The following CDON variants were observed in gnomAD, a reference collection of about 807,000 sequenced individuals.
The protein encoded by CDON is cell adhesion associated, oncogene regulated.
In CDON, 73 loss-of-function variants were observed where a neutral mutation model predicts 120.9. The observed-to-expected ratio is 0.60, with a 90% confidence interval of 0.50 to 0.73. The LOEUF (loss-of-function observed/expected upper bound fraction) is 0.73, where lower values mean the gene tolerates loss of function less well. Among genes scored for constraint, CDON ranks in the 30% least tolerant of loss-of-function variants. The pLI, the probability that CDON is intolerant of heterozygous loss-of-function variation, is 0.00. For synonymous variants in CDON, 566 were observed against 573.5 expected, an observed-to-expected ratio of 0.99 and a Z score of 0.19; for missense variants, 1,470 against 1,587.3, an observed-to-expected ratio of 0.93 and a Z score of 1.26.
intron 15 of CDON, among the ~76,000 whole-genome samples, chr11:125,987,675 T>C (rs1051215878): frequency 6.6e-6 from 1 of 152,238 alleles, no homozygotes; most frequent in Non-Finnish European, 1.5e-5. Flanking sequence ...ATAACAGTTA[T>C]AATGTTTTAT....
rs779753732 is a variant in CDON, at chr11:125,981,182, T to G, written c.3143A>C (p.His1048Pro). ...TNGGLSSGYS[H>P]LHHKVPNAVN... ...TGCATTGGGGACCTTATGGTGAAGGTGGGAATAGCCACTGCTGAGACCGCC... is the reference window on the plus strand; with the variant it reads ...TGCATTGGGGACCTTATGGTGAAGGGGGGAATAGCCACTGCTGAGACCGCC... Residue 1048 changes from histidine to proline, a missense_variant, in exon 17 of 20, where the codon CAC (histidine) becomes CCC (proline). By Grantham distance (77) the His-to-Pro change is moderately conservative (BLOSUM62 -2). Coordinates refer to ENST00000531738, the MANE Select transcript of CDON (RefSeq NM_001378964.1). 1 of 1,614,144 alleles carries G rather than the reference T, an allele frequency of 6.2e-7. No homozygotes were observed. The highest frequency in any genetic ancestry group is 8.5e-7 in the Non-Finnish European group (1 of 1,180,022).
Position 126,018,439 on chromosome 11 carries a change from C to A in CDON, c.531G>T (p.Gln177His). 1.2e-6 allele frequency: 2 copies of A among 1,613,818 alleles called. No individual in the cohort carries two copies. Among genetic ancestry groups the A allele is most frequent in the Non-Finnish European group, 1.7e-6 (2 of 1,179,708 alleles). The change falls in exon 5 of 20, where the codon CAG (glutamine) becomes CAT (histidine). Residue 177 changes from glutamine (Q) to histidine (H), a missense_variant. By Grantham distance (24) the Gln-to-His change is conservative (BLOSUM62 0). Transcript: ENST00000531738. ...NYLILPSGNL[Q>H]ILNVSLEDKG... ...TGTCCTCTAAGGATACATTCAAAAT[C>A]TGAAGATTTCCTGATGGAAGGATTA...
intron 11 of CDON, among the ~76,000 whole-genome samples, chr11:125,999,598 T>G (rs762105722): frequency 5.3e-5 from 8 of 152,220 alleles, no homozygotes; most frequent in Non-Finnish European, 1.2e-4. Flanking sequence ...ATCCATAATC[T>G]TCACCTAAAA....
intron 1 of CDON, among the ~76,000 whole-genome samples, chr11:126,059,379 G>T (rs1948745176): frequency 6.6e-6 from 1 of 152,150 alleles, no homozygotes; most frequent in Non-Finnish European, 1.5e-5. Flanking sequence ...CTGCCTTTGG[G>T]TTGGGCTTTT....
intron 1 of CDON, among the ~76,000 whole-genome samples, 192 bp from the exon 2 acceptor site, chr11:126,023,729 A>G (rs765116772): frequency 9.9e-4 from 150 of 152,236 alleles, no homozygotes; most frequent in Non-Finnish European, 1.6e-3. Context: ...AGTTTTGCTC[A>G]TTCTTCCAAG....
chr11:125,978,617 T>C lies in CDON; in HGVS notation c.3277-234A>G, dbSNP rs554516240. Among the ~76,000 whole-genome samples the C allele has an allele frequency of 1.3e-4, 20 of 152,238 alleles. 1 individual carries two copies. Among genetic ancestry groups the C allele is most frequent in the Non-Finnish European group, 2.2e-4 (15 of 68,038 alleles). On this transcript the variant is annotated intron_variant, in intron 17 of 19. Transcript: ENST00000531738. ...TTTAACTGTATTCCAAAAACTTCAC[T>C]GCCATGTTTTCCTACGTATTTCTGT... is the stretch of plus-strand genomic sequence containing the variant.
chr11:126,022,723 C>T (rs1947676467), intron 2 of CDON, among the ~76,000 whole-genome samples: 1 of 152,086 alleles, frequency 6.6e-6, no homozygotes, highest in Admixed American at 6.6e-5. Context: ...AACCAATTTT[C>T]CCCTTATTAA....
intron 14 of CDON, 138 bp from the exon 15 acceptor site, chr11:125,989,897 TAGTA>T (rs1946582942): frequency 2.8e-6 from 2 of 726,378 alleles, no homozygotes; most frequent in Non-Finnish European, 2.3e-6. Flanking sequence ...ATGTACTTAA[TAGTA>T]AGTATTTGAC....
chr11:126,004,304 G>C (rs1267900210), intron 9 of CDON: 3 of 553,060 alleles, frequency 5.4e-6, no homozygotes, highest in Non-Finnish European at 9.7e-6. Flanking sequence ...CTCTGCATCT[G>C]ACCACTAATG....
chr11:126,029,094 G>T (rs1316206066), intron 1 of CDON, among the ~76,000 whole-genome samples: 10 of 152,250 alleles, frequency 6.6e-5, no homozygotes, highest in African/African-American at 2.4e-4. Context: ...CTGACATATG[G>T]TTTAGATCCT....
chr11:125,983,249 A>G (rs1429150634), intron 16 of CDON, among the ~76,000 whole-genome samples: 1 of 152,212 alleles, frequency 6.6e-6, no homozygotes, highest in Non-Finnish European at 1.5e-5. Context: ...AGTGAGGTGA[A>G]GAGAACTGAA....
rs1555131657 is a variant in CDON at position 126,025,531 on chromosome 11, G to GTGT, written c.-61-1995_-61-1994insACA. On this transcript the variant is annotated intron_variant, in intron 1 of 19. Transcript: ENST00000531738. ...GTCAAGAGATGGTTTGTTTGTGGGG[G>GTGT]GTGTGTGTGTGTGTGTGTATTTTAC... 6.3e-3 allele frequency among the ~76,000 whole-genome samples: 948 copies of GTGT among 150,636 alleles called. 7 individuals are homozygous for GTGT. The highest frequency in any genetic ancestry group is 0.021 in the African/African-American group (841 of 40,674).
In CDON at chr11:126,030,367, C is replaced by G. The variant is rs151169533; in HGVS notation, c.-61-6830G>C. Among the ~76,000 whole-genome samples, 471 of 152,302 alleles carry G rather than the reference C, an allele frequency of 3.1e-3. 5 individuals are homozygous for G. In the Middle Eastern group the frequency reaches 0.044, roughly 14 times the overall value. On this transcript the variant is annotated intron_variant, in intron 1 of 19. Transcript: ENST00000531738. ...GTTTTTGAAGCAACGCCTTTGCTTT[C>G]ATAAGGATGATGAAGGCTGTCTTTC...
intron 1 of CDON, among the ~76,000 whole-genome samples, chr11:126,052,884 T>C (rs1948599877): frequency 6.6e-6 from 1 of 152,142 alleles, no homozygotes; most frequent in African/African-American, 2.4e-5. Context: ...ACATAGCATT[T>C]AAATTGTGTT....
At chr11:126,062,153 C>G (rs1948813252) in intron 1 of CDON, among the ~76,000 whole-genome samples, 1 of 152,182 alleles carries the variant, frequency 6.6e-6, no homozygotes, top group Non-Finnish European at 1.5e-5. Flanking sequence ...CAGGAAATTT[C>G]TCTTGCTTCT....
intron 17 of CDON, among the ~76,000 whole-genome samples, chr11:125,979,135 A>G (rs912144157): frequency 6.6e-6 from 1 of 152,256 alleles, no homozygotes; most frequent in African/African-American, 2.4e-5. Context: ...GAAGAAAAAC[A>G]GCAGAACTGA....
At chr11:125,994,654 C>T (rs968612557) in intron 13 of CDON, among the ~76,000 whole-genome samples, 1 of 152,146 alleles carries the variant, frequency 6.6e-6, no homozygotes, top group Non-Finnish European at 1.5e-5. Flanking sequence ...ATTAAGTTAA[C>T]AACATTTGGA....
At chr11:125,985,460 G>A (rs900876121) in intron 15 of CDON, among the ~76,000 whole-genome samples, 4 of 152,218 alleles carry the variant, frequency 2.6e-5, no homozygotes, top group African/African-American at 7.2e-5. Context: ...GATTACAGGC[G>A]TAAGCCACCG....
intron 10 of CDON, among the ~76,000 whole-genome samples, chr11:126,002,946 C>CTAT (rs1408072620): frequency 2.6e-5 from 4 of 152,122 alleles, no homozygotes; most frequent in Non-Finnish European, 5.9e-5. Flanking sequence ...CTGGCACTTG[C>CTAT]CATCTCTGCT....
Sources: allele counts gnomAD v4.1 joint callset (sites outside exome capture counted in the v4.1 genomes callset), GRCh38; gene constraint gnomAD v4.1.1; transcripts MANE v1.5; gene names NCBI Gene and HGNC (gene_info 2026-07-23, HGNC 2026-07-21).